The following SPRY4 variants were observed in gnomAD, a reference collection of about 807,000 sequenced individuals.
The protein encoded by SPRY4 is sprouty RTK signaling antagonist 4.
SPRY4 carries 7 observed loss-of-function variants against 17.0 expected under a neutral mutation model. That is an observed-to-expected ratio of 0.41 (90% CI 0.23 to 0.77). The LOEUF (loss-of-function observed/expected upper bound fraction) is 0.77. SPRY4 is among the 30% of genes least tolerant of loss of function. SPRY4 has a pLI of 0.32. For synonymous variants in SPRY4, 183 were observed against 174.1 expected (o/e 1.05, Z -0.40); for missense variants, 435 against 419.9 (o/e 1.04, Z -0.31).
intron 1 of SPRY4, among the ~76,000 whole-genome samples, chr5:142,321,323 G>C (rs578095803): frequency 5.3e-5 from 8 of 152,166 alleles, no homozygotes; most frequent in Non-Finnish European, 8.8e-5. Flanking sequence ...TTTCTCTACT[G>C]TGCAGATGGG....
intron 1 of SPRY4, among the ~76,000 whole-genome samples, chr5:142,319,246 G>A (rs1161325708): frequency 6.6e-6 from 1 of 152,184 alleles, no homozygotes; most frequent in Non-Finnish European, 1.5e-5. Flanking sequence ...CAACCAACAG[G>A]GAAGGAAAGC....
chr5:142,313,509 T>C lies in SPRY4; in HGVS notation c.*700A>G, dbSNP rs1029906232. 5.9e-5 allele frequency: 9 copies of C among 151,328 alleles called. No homozygotes were observed. Among genetic ancestry groups the C allele is most frequent in the African/African-American group, 2.2e-4 (9 of 41,022 alleles). The allele number at this position is 151,328 out of a possible 1,614,324, so 9.4% of individuals were successfully genotyped here. A position where few individuals can be genotyped will look rare whatever the true frequency, so the allele number is the denominator to read the frequency against. ...ACCCCCGAGAGTTAGTTGATGCAGT[T>C]GGAAGGGAGAAGTGCACTGAGCAGT... On this transcript the variant is annotated 3_prime_UTR_variant, in exon 2 of 2. Transcript: ENST00000434127.
At chr5:142,322,959 CT>C (rs1314590127) in intron 1 of SPRY4, among the ~76,000 whole-genome samples, 1 of 151,678 alleles carries the variant, frequency 6.6e-6, no homozygotes, top group Non-Finnish European at 1.5e-5. Flanking sequence ...CTTTCCCACC[CT>C]TCTGGGAGAC....
intron 1 of SPRY4, chr5:142,317,290 T>C: frequency 1.0e-6 from 1 of 985,428 alleles, no homozygotes; most frequent in Non-Finnish European, 1.2e-6. Flanking sequence ...AATAAATGAG[T>C]TTGGGGCAAG....
At chr5:142,317,005 C>T (rs769658419) in intron 1 of SPRY4, 23 of 985,326 alleles carry the variant, frequency 2.3e-5, no homozygotes, top group Non-Finnish European at 2.5e-5. Flanking sequence ...ATGTTCTCTT[C>T]GGATGAAACC....
chr5:142,318,247 G>C, intron 1 of SPRY4: 1 of 906,244 alleles, frequency 1.1e-6, no homozygotes, highest in Non-Finnish European at 1.3e-6. Context: ...CCTTTTGGGA[G>C]GCCAAGGTAG....
intron 1 of SPRY4, among the ~76,000 whole-genome samples, chr5:142,322,483 A>AAATATAT (rs79291595): frequency 2.0e-4 from 23 of 117,526 alleles, no homozygotes; most frequent in African/African-American, 2.7e-4. Flanking sequence ...AAAAAAAAAA[A>AAATATAT]ATATATATAT....
Position 142,314,253 on chromosome 5 carries a change from C to T in SPRY4, c.856G>A (p.Ala286Thr), listed in dbSNP as rs1294867520. The T allele has an allele frequency of 1.2e-6, 2 of 1,612,734 alleles. No homozygotes were observed. Among genetic ancestry groups the T allele is most frequent in the African/African-American group, 2.7e-5 (2 of 75,040 alleles). ...CTGCTGGTCTTGGCATCCCCGCTGG[C>T]TGCTTTGCAGATGACGCTGTTCGTG... is the stretch of plus-strand genomic sequence containing the variant. Reference protein sequence around the residue: ...KHTNSVICKAASGDAKTSRPD... With the variant: ...KHTNSVICKATSGDAKTSRPD... The change falls in exon 2 of 2, where the codon GCC becomes ACC. Residue 286 changes from alanine (A) to threonine (T), a missense_variant. Physicochemically the swap from Ala to Thr is moderately conservative, Grantham distance 58. Coordinates refer to ENST00000434127, the MANE Select transcript of SPRY4 (RefSeq NM_001127496.3). The surrounding 1 kb of genome is among the most constrained non-coding windows in gnomAD (Gnocchi z 4.8).
chr5:142,317,892 T>TG, intron 1 of SPRY4: 1 of 985,410 alleles, frequency 1.0e-6, no homozygotes, highest in Non-Finnish European at 1.2e-6. Flanking sequence ...GATGGGAGCT[T>TG]GGCCCACGAT....
At chr5:142,317,280 A>G (rs17675569) in intron 1 of SPRY4, 14,031 of 985,470 alleles carry the variant, frequency 0.014, 114 homozygotes, top group Non-Finnish European at 0.016. Flanking sequence ...TTGCTTCTAG[A>G]ATAAATGAGT....
chr5:142,317,619 C>CTTT (rs757791208), intron 1 of SPRY4: 12 of 938,080 alleles, frequency 1.3e-5, no homozygotes, highest in Admixed American at 6.8e-5. Flanking sequence ...AGCAGATTCA[C>CTTT]TTTTTTTTTT....
chr5:142,322,610 G>A (rs1452242898), intron 1 of SPRY4, among the ~76,000 whole-genome samples: 1 of 152,130 alleles, frequency 6.6e-6, no homozygotes, highest in Non-Finnish European at 1.5e-5. Flanking sequence ...TCAGTGAGAT[G>A]AGGCCATTTC....
chr5:142,315,116 G>A lies in SPRY4; in HGVS notation c.-8C>T, dbSNP rs759357017. 3 of 1,607,746 alleles carry A rather than the reference G, an allele frequency of 1.9e-6. No individual in the cohort carries two copies. The highest frequency in any genetic ancestry group is 2.5e-6 in the Non-Finnish European group (3 of 1,179,886). On this transcript the variant is annotated 5_prime_UTR_variant, in exon 2 of 2. Coordinates refer to ENST00000434127, the MANE Select transcript of SPRY4 (RefSeq NM_001127496.3). ...TGGGATCGGGGGCTCCATGGGGCTG[G>A]AGGTCCTGGACTGTACGGAGAAACA...
chr5:142,317,168 AT>A (rs1759181427), intron 1 of SPRY4: 19 of 985,350 alleles, frequency 1.9e-5, no homozygotes, highest in Non-Finnish European at 2.3e-5. Flanking sequence ...GTAAGCATCT[AT>A]GGAGAGGAGT....
rs68140442 is a variant in SPRY4 at position 142,311,564 on chromosome 5, TTTGTTGTTGTTGTTGTTGTTG to T, written c.*2624_*2644del. On this transcript the variant is annotated 3_prime_UTR_variant, in exon 2 of 2. Coordinates refer to ENST00000434127, the MANE Select transcript of SPRY4 (RefSeq NM_001127496.3). ...ACAGGCAAGCCAGTTTATCCTTCTG[TTTGTTGTTGTTGTTGTTGTTG>T]TTGTTGTTGTTTTAATTTTTGCCAA... is the stretch of plus-strand genomic sequence containing the variant. 1 of 150,664 alleles carries T rather than the reference TTTGTTGTTGTTGTTGTTGTTG, an allele frequency of 6.6e-6. No homozygotes were observed. Among genetic ancestry groups the T allele is most frequent in the South Asian group, 2.1e-4 (1 of 4,742 alleles). 9.3% of individuals were successfully genotyped at this position (150,664 alleles called of 1,614,324 possible).
rs1048914598 is a variant in SPRY4 at position 142,312,158 on chromosome 5, T to C, written c.*2051A>G. On this transcript the variant is annotated 3_prime_UTR_variant, in exon 2 of 2. Coordinates refer to ENST00000434127, the MANE Select transcript of SPRY4 (RefSeq NM_001127496.3). ...GGGCCCCCTCATCTGAGGAAAACCA[T>C]CTCCAGTCCCTTCAGTACACTTCTG... 4 of 152,528 alleles carry C rather than the reference T, an allele frequency of 2.6e-5. No individual in the cohort carries two copies. Among genetic ancestry groups the C allele is most frequent in the Non-Finnish European group, 5.9e-5 (4 of 68,026 alleles). 9.4% of individuals were successfully genotyped at this position (152,528 alleles called of 1,614,324 possible).
At chr5:142,321,096 G>A (rs1005331632) in intron 1 of SPRY4, among the ~76,000 whole-genome samples, 21 of 152,172 alleles carry the variant, frequency 1.4e-4, no homozygotes, top group African/African-American at 5.1e-4. Context: ...CCCCAGCCTT[G>A]TCAGCTGTCC....
intron 1 of SPRY4, among the ~76,000 whole-genome samples, chr5:142,322,773 T>G (rs1204056065): frequency 6.6e-6 from 1 of 152,192 alleles, no homozygotes; most frequent in East Asian, 1.9e-4. Flanking sequence ...CATGAAGATT[T>G]CAGAAATCTG....
intron 1 of SPRY4, among the ~76,000 whole-genome samples, chr5:142,316,896 T>A (rs1759172089): frequency 6.6e-6 from 1 of 152,230 alleles, no homozygotes; most frequent in Non-Finnish European, 1.5e-5. Context: ...TTGGCTTTGC[T>A]CCCATGGCCC....
Sources: gnomAD v4.1 joint callset for allele counts (sites outside exome capture counted in the v4.1 genomes callset) on GRCh38, gnomAD v4.1.1 for gene constraint, Gnocchi (gnomAD v3.1) non-coding constraint, MANE v1.5 for transcripts, NCBI Gene and HGNC (gene_info 2026-07-23, HGNC 2026-07-21) for gene names.